DAW1: variants seen among roughly 807,000 people sequenced by gnomAD.
The protein encoded by DAW1 is dynein assembly factor with WD repeats 1.
Under a neutral mutation model 56.5 loss-of-function variants are expected in DAW1, and 47 were observed. The observed-to-expected ratio is 0.83, with a 90% CI of 0.66 to 1.06. DAW1 has a LOEUF of 1.06. DAW1 is among the 50% of genes least tolerant of loss of function. The pLI is 0.00. For synonymous variants in DAW1, 190 were observed against 179.0 expected (o/e 1.06, Z -0.49); for missense variants, 505 against 499.3 (o/e 1.01, Z -0.11).
chr2:227,923,038 A>G (rs1692146212), intron 12 of DAW1, among the ~76,000 whole-genome samples: 1 of 152,182 alleles, frequency 6.6e-6, no homozygotes, highest in African/African-American at 2.4e-5. Flanking sequence ...GTTTAGCAAA[A>G]GAATTTTTGT....
chr2:227,912,555 G>A, intron 10 of DAW1: 3 of 1,233,412 alleles, frequency 2.4e-6, no homozygotes, highest in Non-Finnish European at 3.1e-6. Flanking sequence ...ATCACTGGAG[G>A]TCTGGACATT....
At chr2:227,897,138 C>T (rs1691430160) in intron 5 of DAW1, among the ~76,000 whole-genome samples, 1 of 147,258 alleles carries the variant, frequency 6.8e-6, no homozygotes, top group Non-Finnish European at 1.5e-5. Context: ...TTATCTTGAG[C>T]ACGTATTGGA....
intron 11 of DAW1, among the ~76,000 whole-genome samples, chr2:227,921,015 G>GT (rs535182462): frequency 7.4e-4 from 112 of 152,252 alleles, no homozygotes; most frequent in African/African-American, 2.6e-3. Context: ...GATGACACCA[G>GT]GGTTTGGCTA....
chr2:227,889,711 CCA>C, intron 2 of DAW1, 143 bp from the exon 3 acceptor site: 1 of 610,988 alleles, frequency 1.6e-6, no homozygotes. Flanking sequence ...CGCCCCACCC[CCA>C]GATATCTCTT....
Position 227,893,905 on chromosome 2 carries a change from A to G in DAW1, c.428A>G (p.Asn143Ser), listed in dbSNP as rs148902068. The stretch of plus-strand genomic sequence containing the variant: ...AATGTGGTTTATGCCATAGCATTCA[A>G]CAATCCTTACGGGTGTGTTCATCCC... ...HRNVVYAIAF[N>S]NPYGDKIATG... Residue 143 changes from asparagine to serine, a missense_variant, in exon 5 of 13, where the codon AAC (asparagine) becomes AGC (serine). Physicochemically the swap from Asn to Ser is conservative, Grantham distance 46 (BLOSUM62 1). Coordinates refer to ENST00000309931, the MANE Select transcript of DAW1 (RefSeq NM_178821.3). 4.4e-6 allele frequency: 7 copies of G among 1,608,564 alleles called. No individual in the cohort carries two copies. The highest frequency in any genetic ancestry group is 1.7e-5 in the Admixed American group (1 of 58,894).
In DAW1 at chr2:227,904,971, G is replaced by A. The variant is rs765066148; in HGVS notation, c.691G>A (p.Gly231Arg). The A allele has an allele frequency of 2.5e-6, 4 of 1,613,672 alleles. No homozygotes were observed. Among genetic ancestry groups the A allele is most frequent in the African/African-American group, 2.7e-5 (2 of 74,916 alleles). The change falls in exon 8 of 13, where the codon GGA becomes AGA. Residue 231 changes from glycine (G) to arginine (R), a missense_variant. Coordinates refer to ENST00000309931, the MANE Select transcript of DAW1 (RefSeq NM_178821.3). ...CATCTCCTTGTCATTTAACACCTCA[G>A]GAGACAGAATCATCACGGGGTCTTT... ...EIISLSFNTS[G>R]DRIITGSFDH...
At chr2:227,912,493 A>G in intron 10 of DAW1, 31 of 1,299,752 alleles carry the variant, frequency 2.4e-5, no homozygotes, top group Admixed American at 4.6e-5. Context: ...TGTGTTCCTT[A>G]TCTTCTTGAT....
intron 10 of DAW1, among the ~76,000 whole-genome samples, chr2:227,918,142 GTCCA>G (rs1289755154): frequency 4.7e-4 from 39 of 82,108 alleles, no homozygotes; most frequent in African/African-American, 1.4e-3. Context: ...CCATCCATCC[GTCCA>G]TCCATCCATC....
intron 10 of DAW1, 64 bp from the exon 11 acceptor site, chr2:227,918,716 A>C: frequency 6.4e-7 from 1 of 1,556,036 alleles, no homozygotes; most frequent in African/African-American, 1.4e-5. Context: ...TACAATGCAA[A>C]GTCTTTTATC....
At chr2:227,889,294 A>G (rs1691202943) in intron 2 of DAW1, among the ~76,000 whole-genome samples, 2 of 152,202 alleles carry the variant, frequency 1.3e-5, no homozygotes, top group African/African-American at 4.8e-5. Context: ...GAGAAATCCA[A>G]GATCAAGGCC....
intron 6 of DAW1, among the ~76,000 whole-genome samples, chr2:227,900,426 C>T (rs1691512361): frequency 6.6e-6 from 1 of 152,084 alleles, no homozygotes; most frequent in Non-Finnish European, 1.5e-5. Context: ...CTTAGGGTAT[C>T]TGAGAGAATC....
At chr2:227,906,903 T>G (rs1227851472) in intron 9 of DAW1, among the ~76,000 whole-genome samples, 2 of 152,212 alleles carry the variant, frequency 1.3e-5, no homozygotes, top group African/African-American at 2.4e-5. Flanking sequence ...TGGCAGATTC[T>G]AAATGTCTGA....
chr2:227,892,295 G>A lies in DAW1; in HGVS notation c.317+982G>A, dbSNP rs533039412. The stretch of plus-strand genomic sequence containing the variant: ...TTACAGGTGCCTGCCACCACGCCCA[G>A]CTAATTTTTTGTATTTTTAGCAGAG... On this transcript the variant is annotated intron_variant, in intron 4 of 12. Coordinates refer to ENST00000309931, the MANE Select transcript of DAW1 (RefSeq NM_178821.3). Among the ~76,000 whole-genome samples, 494 of 152,192 alleles carry A rather than the reference G, an allele frequency of 3.2e-3. 1 individual carries two copies. Among genetic ancestry groups the A allele is most frequent in the Non-Finnish European group, 6.0e-3 (410 of 68,022 alleles).
At chr2:227,874,963 A>C (rs1690843688) in intron 1 of DAW1, among the ~76,000 whole-genome samples, 1 of 117,790 alleles carries the variant, frequency 8.5e-6, no homozygotes, top group South Asian at 2.9e-4. Context: ...ACTCTGTCTC[A>C]AAACAAACAA....
At chr2:227,880,542 C>T (rs935193900) in intron 1 of DAW1, among the ~76,000 whole-genome samples, 11 of 152,132 alleles carry the variant, frequency 7.2e-5, no homozygotes, top group Admixed American at 7.2e-4. Flanking sequence ...CAAAATTATG[C>T]CAAACTATCC....
At chr2:227,923,745 GAA>G (rs76897409) in intron 12 of DAW1, among the ~76,000 whole-genome samples, 187 bp from the exon 13 acceptor site, 7 of 144,180 alleles carry the variant, frequency 4.9e-5, no homozygotes, top group Non-Finnish European at 6.1e-5. Flanking sequence ...CTGGTATCGT[GAA>G]AAAAAAAAAA....
intron 3 of DAW1, among the ~76,000 whole-genome samples, chr2:227,890,635 A>G (rs16824134): frequency 0.12 from 18,781 of 152,202 alleles, 1,849 homozygotes; most frequent in African/African-American, 0.27. Flanking sequence ...ATATCCAGGC[A>G]TTCGTTTCTG....
At chr2:227,872,381 A>G (rs1325349260) in intron 1 of DAW1, 1 of 152,134 alleles carries the variant, frequency 6.6e-6, no homozygotes, top group Non-Finnish European at 1.5e-5. Flanking sequence ...AGGAAGTGTC[A>G]TAAAGATTTC....
chr2:227,897,104 A>G (rs1175285158), intron 5 of DAW1, among the ~76,000 whole-genome samples: 2 of 151,638 alleles, frequency 1.3e-5, no homozygotes, highest in Admixed American at 1.3e-4. Context: ...AAAAAAAAAA[A>G]AAAAAAAGCA....
Sources: gnomAD v4.1 joint callset for allele counts (sites outside exome capture counted in the v4.1 genomes callset) on GRCh38, gnomAD v4.1.1 for gene constraint, MANE v1.5 for transcripts, NCBI Gene and HGNC (gene_info 2026-07-23, HGNC 2026-07-21) for gene names.